Variants in ERC1 observed in about 807,000 individuals in gnomAD.
ERC1 encodes ELKS/RAB6-interacting/CAST family member 1.
ERC1 carries 56 observed loss-of-function variants against 132.0 expected under a neutral mutation model. The observed-to-expected ratio is 0.42, with a 90% CI of 0.34 to 0.53. The LOEUF is 0.53. Ranked by LOEUF, ERC1 falls within the 20% of genes least tolerant of loss-of-function variation. ERC1 has a pLI of 0.03. For missense variants in ERC1, 1,202 were observed against 1,349.9 expected (o/e 0.89, Z 1.72); for synonymous variants, 478 against 476.1 (o/e 1.00, Z -0.05).
chr12:996,846 A>G (rs1961028536), intron 1 of ERC1, among the ~76,000 whole-genome samples: 1 of 152,184 alleles, frequency 6.6e-6, no homozygotes. Context: ...ATTTTGTGTA[A>G]TAGGACATTA....
chr12:1,126,527 T>A (rs951048480), intron 7 of ERC1, among the ~76,000 whole-genome samples: 45 of 152,170 alleles, frequency 3.0e-4, no homozygotes, highest in African/African-American at 1.0e-3. Flanking sequence ...AGCTAATCAA[T>A]AAAAATGTTT....
chr12:1,254,656 G>A (rs1217671437), intron 13 of ERC1, among the ~76,000 whole-genome samples: 6 of 152,064 alleles, frequency 3.9e-5, no homozygotes, highest in South Asian at 2.1e-4. Flanking sequence ...TGGGATTACC[G>A]GTGTGCATCA....
chr12:1,197,416 T>C (rs1956437406), intron 12 of ERC1, among the ~76,000 whole-genome samples: 1 of 152,168 alleles, frequency 6.6e-6, no homozygotes, highest in African/African-American at 2.4e-5. Context: ...TGTTCAGTTT[T>C]CATTAATGAC....
chr12:1,219,635 C>CTTTTTTTTTTTTTT, intron 12 of ERC1, among the ~76,000 whole-genome samples: 1 of 140,740 alleles, frequency 7.1e-6, no homozygotes. Flanking sequence ...ACTGAACTCT[C>CTTTTTTTTTTTTTT]TTTTTTTTTT....
intron 15 of ERC1, among the ~76,000 whole-genome samples, chr12:1,365,927 C>A (rs1023819923): frequency 2.0e-5 from 3 of 152,084 alleles, no homozygotes; most frequent in East Asian, 1.9e-4. Context: ...CATGGATGAA[C>A]CTTGAAAACA....
chr12:1,385,314 G>A (rs775523361), intron 16 of ERC1, among the ~76,000 whole-genome samples: 3 of 151,052 alleles, frequency 2.0e-5, no homozygotes, highest in East Asian at 1.9e-4. Flanking sequence ...ACGGAGTCTC[G>A]CTCTGTCGCC....
chr12:1,267,375 C>T (rs2077546030), intron 14 of ERC1, among the ~76,000 whole-genome samples: 1 of 152,178 alleles, frequency 6.6e-6, no homozygotes, highest in Admixed American at 6.5e-5. Context: ...CTCAGAATTG[C>T]CAGGGGCTAA....
intron 6 of ERC1, 116 bp from the exon 7 acceptor site, chr12:1,115,750 C>T (rs1946376562): frequency 2.3e-6 from 2 of 883,496 alleles, no homozygotes; most frequent in Middle Eastern, 2.9e-4. Context: ...TATGACCTAT[C>T]ACACAGTTCG....
At chr12:1,389,579 T>A (rs116898282) in intron 16 of ERC1, among the ~76,000 whole-genome samples, 5 of 152,326 alleles carry the variant, frequency 3.3e-5, no homozygotes, top group Non-Finnish European at 7.3e-5. Context: ...TTTTAAGACC[T>A]TTTTTTCATG....
At chr12:1,373,574 A>G (rs1034962753) in intron 16 of ERC1, among the ~76,000 whole-genome samples, 2 of 152,164 alleles carry the variant, frequency 1.3e-5, no homozygotes, top group Non-Finnish European at 2.9e-5. Context: ...GAGGTCAGGA[A>G]ATCGAGACCA....
chr12:1,137,918 A>G (rs1949420656), intron 7 of ERC1, among the ~76,000 whole-genome samples: 1 of 140,102 alleles, frequency 7.1e-6, no homozygotes. Flanking sequence ...TATGTATTAT[A>G]TAATACATAT....
chr12:1,436,830 G>T (rs966529570), intron 17 of ERC1, among the ~76,000 whole-genome samples: 3 of 152,182 alleles, frequency 2.0e-5, no homozygotes, highest in Non-Finnish European at 4.4e-5. Flanking sequence ...TCCTTGTAGG[G>T]CTGGCCTGCT....
At chr12:1,458,774 G>A (rs561275470) in intron 18 of ERC1, among the ~76,000 whole-genome samples, 1 of 152,272 alleles carries the variant, frequency 6.6e-6, no homozygotes, top group African/African-American at 2.4e-5. Context: ...CTGACCTCAG[G>A]TGACCCACCC....
chr12:1,220,641 G>T (rs1958889425), intron 12 of ERC1, among the ~76,000 whole-genome samples: 1 of 152,182 alleles, frequency 6.6e-6, no homozygotes, highest in Non-Finnish European at 1.5e-5. Context: ...GCAAACTACA[G>T]CTCATCTGGC....
chr12:1,222,286 G>GT (rs2154295884), intron 12 of ERC1, among the ~76,000 whole-genome samples: 1 of 151,226 alleles, frequency 6.6e-6, no homozygotes, highest in East Asian at 1.9e-4. Flanking sequence ...CTGGAGAGCA[G>GT]TGGCGCGATC....
chr12:1,028,655 T>G (rs1967335087), intron 2 of ERC1, 83 bp downstream of exon 2: 1 of 1,145,094 alleles, frequency 8.7e-7, no homozygotes, highest in African/African-American at 1.6e-5. Flanking sequence ...TCCTAGATTT[T>G]TCCCTTCGTA....
intron 1 of ERC1, among the ~76,000 whole-genome samples, chr12:994,789 A>G (rs1960442418): frequency 2.0e-5 from 3 of 151,964 alleles, no homozygotes; most frequent in African/African-American, 7.3e-5. Flanking sequence ...TAGCGAGACC[A>G]TGTCTCTACA....
At chr12:1,202,648 C>T (rs530772915) in intron 12 of ERC1, among the ~76,000 whole-genome samples, 2 of 151,654 alleles carry the variant, frequency 1.3e-5, no homozygotes, top group Admixed American at 6.6e-5. Flanking sequence ...CAGGTGAAAC[C>T]CTGTCTCAAA....
At chr12:1,194,918 A>G (rs1956074595) in intron 12 of ERC1, among the ~76,000 whole-genome samples, 1 of 149,226 alleles carries the variant, frequency 6.7e-6, no homozygotes, top group African/African-American at 2.5e-5. Context: ...TTGAGGGAAT[A>G]TAAGAACCGG....
Sources: allele counts gnomAD v4.1 joint callset (sites outside exome capture counted in the v4.1 genomes callset), GRCh38; gene constraint gnomAD v4.1.1; transcripts MANE v1.5; gene names NCBI Gene and HGNC (gene_info 2026-07-23, HGNC 2026-07-21).